Variants in SPAG17 observed in about 807,000 individuals in gnomAD.
SPAG17 encodes the protein sperm associated antigen 17.
A neutral mutation model predicts 273.6 loss-of-function variants in SPAG17; 169 were observed. The observed-to-expected ratio is 0.62, with a 90% CI of 0.55 to 0.70. SPAG17 has a LOEUF of 0.70. SPAG17 is among the 30% of genes least tolerant of loss of function. The pLI, the probability that SPAG17 is intolerant of heterozygous loss-of-function variation, is 0.00. For synonymous variants in SPAG17, 825 were observed against 873.2 expected (o/e 0.94, Z 0.97); for missense variants, 2,557 against 2,627.8 (o/e 0.97, Z 0.59).
chr1:118,120,283 TA>T (rs5777335), intron 3 of SPAG17, among the ~76,000 whole-genome samples: 1 of 150,648 alleles, frequency 6.6e-6, no homozygotes. Context: ...CTAGTGAGAT[TA>T]AAAAAAAACA....
At chr1:117,975,808 T>G (rs1005371326) in intron 43 of SPAG17, among the ~76,000 whole-genome samples, 1 of 152,220 alleles carries the variant, frequency 6.6e-6, no homozygotes, top group Non-Finnish European at 1.5e-5. Flanking sequence ...TTTGGTATAG[T>G]TTTTGTTCAT....
intron 4 of SPAG17, among the ~76,000 whole-genome samples, chr1:118,114,489 C>T (rs183620318): frequency 1.3e-5 from 2 of 152,100 alleles, no homozygotes; most frequent in East Asian, 1.9e-4. Flanking sequence ...TTTTTTCTTC[C>T]GTGAATTGAT....
intron 1 of SPAG17, among the ~76,000 whole-genome samples, chr1:118,160,566 T>C (rs988009011): frequency 6.6e-6 from 1 of 152,240 alleles, no homozygotes; most frequent in African/African-American, 2.4e-5. Context: ...TTATCCCTTG[T>C]TTACTACAAA....
chr1:118,174,326 C>A (rs1200322699), intron 1 of SPAG17, among the ~76,000 whole-genome samples: 6 of 151,932 alleles, frequency 3.9e-5, no homozygotes, highest in Admixed American at 2.0e-4. Flanking sequence ...AATACAATAA[C>A]TAAACTGGAA....
At chr1:118,078,962 CTA>C (rs1654321851) in intron 15 of SPAG17, among the ~76,000 whole-genome samples, 1 of 151,776 alleles carries the variant, frequency 6.6e-6, no homozygotes, top group Admixed American at 6.6e-5. Context: ...ATCAGTTTTC[CTA>C]TGTTTTATTT....
chr1:118,085,986 G>C lies in SPAG17; in HGVS notation c.1698C>G (p.Pro566=). 6.2e-7 allele frequency: 1 copy of C among 1,613,756 alleles called. No individual in the cohort carries two copies. Among genetic ancestry groups the C allele is most frequent in the East Asian group, 2.2e-5 (1 of 44,840 alleles). The change falls in exon 13 of 49, where the codon CCC becomes CCG. Residue 566 remains proline, a synonymous_variant. Transcript: ENST00000336338. ...GACGTTTAGTGTTGTTCCATGGTGGGGGTAGAGGGAATTGAAGAAATTCCC... is the reference window on the plus strand; with the variant it reads ...GACGTTTAGTGTTGTTCCATGGTGGCGGTAGAGGGAATTGAAGAAATTCCC... ...PLWEFLQFPL[P]PPWNNTKRLA...
At chr1:118,152,879 TCATC>T (rs1659466528) in intron 1 of SPAG17, among the ~76,000 whole-genome samples, 4 of 152,198 alleles carry the variant, frequency 2.6e-5, no homozygotes, top group African/African-American at 9.7e-5. Flanking sequence ...GCAACTGTAG[TCATC>T]ATTAAAGGGG....
At chr1:118,142,272 C>G (rs1263320127) in intron 3 of SPAG17, among the ~76,000 whole-genome samples, 1 of 152,120 alleles carries the variant, frequency 6.6e-6, no homozygotes, top group Non-Finnish European at 1.5e-5. Context: ...CCAGAGTCGT[C>G]AAATTCGTAG....
intron 42 of SPAG17, among the ~76,000 whole-genome samples, chr1:117,982,700 T>C (rs932623446): frequency 2.0e-5 from 3 of 152,218 alleles, no homozygotes; most frequent in Admixed American, 2.0e-4. Flanking sequence ...AATTTAACAA[T>C]GTCCTCTCTT....
chr1:117,967,751 C>G (rs945186421), intron 46 of SPAG17, among the ~76,000 whole-genome samples: 5 of 152,146 alleles, frequency 3.3e-5, no homozygotes, highest in Non-Finnish European at 7.3e-5. Flanking sequence ...GGCGTCTTGC[C>G]TTGTTCTTTG....
chr1:118,068,780 G>T (rs948279645), intron 17 of SPAG17, among the ~76,000 whole-genome samples: 12 of 152,236 alleles, frequency 7.9e-5, no homozygotes, highest in African/African-American at 2.6e-4. Flanking sequence ...ATATGATAAA[G>T]ATTTTTTTGT....
chr1:118,096,172 C>A (rs1194711472), intron 7 of SPAG17, among the ~76,000 whole-genome samples: 1 of 152,128 alleles, frequency 6.6e-6, no homozygotes. Flanking sequence ...TCCTGTCCAT[C>A]CTTCAGGGTT....
In SPAG17 at chr1:118,031,838, A is replaced by G. The variant is rs1309139979; in HGVS notation, c.3463T>C (p.Leu1155=). The G allele has an allele frequency of 2.5e-6, 4 of 1,606,946 alleles. No individual in the cohort carries two copies. Among genetic ancestry groups the G allele is most frequent in the Admixed American group, 1.7e-5 (1 of 59,264 alleles). ...EDKDPDLETI[L]NIPSALTPTV... Reference sequence around the variant, plus strand: ...GGAGTGAGTGCTGAAGGGATATTCAATATTGTTTCTAAATCAGGATCCTTA... The same window carrying G: ...GGAGTGAGTGCTGAAGGGATATTCAGTATTGTTTCTAAATCAGGATCCTTA... Residue 1155 remains leucine, a synonymous_variant, in exon 25 of 49, where the codon TTG becomes CTG. Coordinates refer to ENST00000336338, the MANE Select transcript of SPAG17 (RefSeq NM_206996.4).
intron 18 of SPAG17, among the ~76,000 whole-genome samples, chr1:118,056,927 C>T (rs992510511): frequency 1.3e-5 from 2 of 152,046 alleles, no homozygotes; most frequent in African/African-American, 4.8e-5. Context: ...TCCAGTTAAA[C>T]AGGTCAAATA....
chr1:118,131,639 T>C (rs1454270807), intron 3 of SPAG17, among the ~76,000 whole-genome samples: 4 of 152,202 alleles, frequency 2.6e-5, no homozygotes, highest in Admixed American at 2.0e-4. Flanking sequence ...CAGATGGCCA[T>C]TGTGTACCAT....
chr1:118,175,470 A>G (rs960022160), intron 1 of SPAG17, among the ~76,000 whole-genome samples: 1 of 152,158 alleles, frequency 6.6e-6, no homozygotes, highest in South Asian at 2.1e-4. Flanking sequence ...GCAGCAAGAA[A>G]AAAAAGAAGC....
rs148125848 is a variant in SPAG17 at position 118,082,868 on chromosome 1, C to T, written c.1763-1226G>A. ...GAGGAAGGGAAAACAGCAAATGCAA[C>T]GATCCTGAGGCAGGGGTGTGACTTA... is the stretch of plus-strand genomic sequence containing the variant. On this transcript the variant is annotated intron_variant, in intron 13 of 48. Transcript: ENST00000336338. Among the ~76,000 whole-genome samples, 1,368 of 152,234 alleles carry T rather than the reference C, an allele frequency of 9.0e-3. 12 individuals carry two copies. The highest frequency in any genetic ancestry group is 0.034 in the Middle Eastern group (10 of 294).
chr1:118,017,399 TAC>T (rs1660080778), intron 28 of SPAG17, among the ~76,000 whole-genome samples: 1 of 152,108 alleles, frequency 6.6e-6, no homozygotes, highest in Non-Finnish European at 1.5e-5. Context: ...TAGCATGGTA[TAC>T]ACAGACAACT....
chr1:118,136,078 GT>G (rs1482675654), intron 3 of SPAG17, among the ~76,000 whole-genome samples: 1 of 152,166 alleles, frequency 6.6e-6, no homozygotes, highest in African/African-American at 2.4e-5. Flanking sequence ...ATACAAGGTT[GT>G]TGGTGGGATC....
Sources: gnomAD v4.1 joint callset for allele counts (sites outside exome capture counted in the v4.1 genomes callset) on GRCh38, gnomAD v4.1.1 for gene constraint, MANE v1.5 for transcripts, NCBI Gene and HGNC (gene_info 2026-07-23, HGNC 2026-07-21) for gene names.